Variants in EVC2 observed in about 807,000 individuals in gnomAD.
The protein encoded by EVC2 is EvC ciliary complex subunit 2, also known as limbin.
In EVC2, 148 loss-of-function variants were observed where a neutral mutation model predicts 149.3. The ratio of observed to expected loss-of-function variants is 0.99; its 90% CI spans 0.87 to 1.14. The LOEUF (loss-of-function observed/expected upper bound fraction) is 1.14, where lower values mean the gene tolerates loss of function less well. Ranked by LOEUF, EVC2 falls within the 50% of genes most tolerant of loss-of-function variation. EVC2 has a pLI of 0.00. For synonymous variants in EVC2, 776 were observed against 649.9 expected, an observed-to-expected ratio of 1.19 and a Z score of -2.95; for missense variants, 1,854 against 1,627.3, an observed-to-expected ratio of 1.14 and a Z score of -2.40.
chr4:5,682,213 G>A (rs189431091), intron 6 of EVC2, among the ~76,000 whole-genome samples: 66 of 152,242 alleles, frequency 4.3e-4, no homozygotes, highest in Admixed American at 7.9e-4. Flanking sequence ...ATAGCAGGCC[G>A]GGGGCGGTGG....
In EVC2 at chr4:5,557,180, T is replaced by C. The variant is rs575777209; in HGVS notation, c.3419+8078A>G. 1.2e-4 allele frequency among the ~76,000 whole-genome samples: 19 copies of C among 152,202 alleles called. No homozygotes were observed. In the South Asian group the frequency reaches 3.9e-3, roughly 32 times the overall value. On this transcript the variant is annotated intron_variant and NMD_transcript_variant, in intron 21 of 22. Coordinates refer to the EVC2 transcript ENST00000475313. ...ATAGATGAACAAATCCTGAAAAATA[T>C]ATTTACAAATTAAATCCAATAATTT...
At chr4:5,587,996 G>C (rs977387687) in intron 16 of EVC2, among the ~76,000 whole-genome samples, 14 of 152,020 alleles carry the variant, frequency 9.2e-5, no homozygotes, top group African/African-American at 3.4e-4. Flanking sequence ...ACAATATGAG[G>C]GGTGGTCTCC....
Position 5,685,474 on chromosome 4 carries a change from C to G in EVC2, c.712G>C (p.Asp238His). Residue 238 changes from aspartate (D) to histidine (H), a missense_variant, in exon 6 of 22, where the codon GAT (aspartate) becomes CAT (histidine). Coordinates refer to ENST00000344408, the MANE Select transcript of EVC2 (RefSeq NM_147127.5). ...GCTGCGTAGCTGACAGCAAAGGCAT[C>G]TCCCACTGCGCAGAGAAAAGCACAT... ...AFSKKFLQVG[D>H]AFAVSYAATL... The G allele has an allele frequency of 6.2e-7, 1 of 1,614,102 alleles. No individual in the cohort carries two copies. The highest frequency in any genetic ancestry group is 8.5e-7 in the Non-Finnish European group (1 of 1,179,992).
chr4:5,673,832 GC>G (rs1719823023), intron 7 of EVC2, among the ~76,000 whole-genome samples: 1 of 152,324 alleles, frequency 6.6e-6, no homozygotes, highest in South Asian at 2.1e-4. Flanking sequence ...CTTGTGGATG[GC>G]GAGATGTGAA....
At chr4:5,634,893 G>C (rs1716785223) in intron 10 of EVC2, among the ~76,000 whole-genome samples, 1 of 152,194 alleles carries the variant, frequency 6.6e-6, no homozygotes, top group South Asian at 2.1e-4. Flanking sequence ...CTGCCTGTAG[G>C]GGCAGCCTCC....
At position 5,679,455 on chromosome 4, in the gene EVC2, C is replaced by A. The variant is rs1720202796; in HGVS notation, c.870+1805G>T. Among the ~76,000 whole-genome samples the A allele has an allele frequency of 6.6e-6, 1 of 152,074 alleles. No homozygotes were observed. Reference sequence around the variant, plus strand: ...GTTTAGCCATGTTGGCCAGGCTGATCTTGAACTCCTGGCTTCAAGTGATCA... The same window carrying A: ...GTTTAGCCATGTTGGCCAGGCTGATATTGAACTCCTGGCTTCAAGTGATCA... On this transcript the variant is annotated intron_variant, in intron 7 of 21. Transcript: ENST00000344408. This position sits in a 1 kb window ranked among gnomAD's most constrained non-coding sequence, Gnocchi z 5.1.
At chr4:5,599,047 C>A (rs549815712) in intron 16 of EVC2, among the ~76,000 whole-genome samples, 1 of 151,958 alleles carries the variant, frequency 6.6e-6, no homozygotes, top group African/African-American at 2.4e-5. Context: ...GTTAGAATGG[C>A]AATCATTAAA....
rs530149012 is a variant in EVC2, at chr4:5,636,977, G to A, written c.1470+3537C>T. ...ACAGATTGGTTCAAATAAGGCGGCT[G>A]CTTGTCTTTGAACAGAGTGACCTAG... On this transcript the variant is annotated intron_variant, in intron 10 of 21. Coordinates refer to ENST00000344408, the MANE Select transcript of EVC2 (RefSeq NM_147127.5). This position sits in a 1 kb window ranked among gnomAD's most constrained non-coding sequence, Gnocchi z 4.6. 2.0e-5 allele frequency among the ~76,000 whole-genome samples: 3 copies of A among 152,290 alleles called. No homozygotes were observed. The highest frequency in any genetic ancestry group is 6.5e-5 in the Admixed American group (1 of 15,300).
At chr4:5,681,409 C>T (rs981601088) in intron 6 of EVC2, 96 bp from the exon 7 acceptor site, 8 of 1,260,894 alleles carry the variant, frequency 6.3e-6, no homozygotes, top group Non-Finnish European at 5.7e-6. Context: ...AAGCCTGGAG[C>T]TACAATCAGC....
chr4:5,673,879 C>A (rs527302714), intron 7 of EVC2, among the ~76,000 whole-genome samples: 1 of 152,170 alleles, frequency 6.6e-6, no homozygotes. Context: ...GGTGGGATTA[C>A]GGCATGAAGC....
At chr4:5,638,664 TC>T in intron 10 of EVC2, among the ~76,000 whole-genome samples, 1 of 152,066 alleles carries the variant, frequency 6.6e-6, no homozygotes, top group East Asian at 1.9e-4. Flanking sequence ...AGAATAAGGG[TC>T]TTTCCACATG....
At chr4:5,693,352 G>A (rs1721256626) in intron 3 of EVC2, among the ~76,000 whole-genome samples, 2 of 152,220 alleles carry the variant, frequency 1.3e-5, no homozygotes, top group African/African-American at 4.8e-5. Flanking sequence ...AGGATCTCAA[G>A]AGATCATCCT....
chr4:5,559,443 G>C (rs1721897559), downstream of EVC2, among the ~76,000 whole-genome samples: 1 of 152,130 alleles, frequency 6.6e-6, no homozygotes, highest in African/African-American at 2.4e-5. The surrounding 1 kb of genome is among the most constrained non-coding windows in gnomAD (Gnocchi z 5.0). Flanking sequence ...AGCACAACTA[G>C]GGCTCAGAGT....
intron 7 of EVC2, 150 bp downstream of exon 7, chr4:5,681,110 G>A (rs1720307749): frequency 6.9e-6 from 6 of 867,928 alleles, no homozygotes; most frequent in Non-Finnish European, 9.5e-6. Context: ...GCACACGGGG[G>A]ACCCGAGAGA....
At chr4:5,628,480 C>T in intron 12 of EVC2, 79 bp downstream of exon 12, 2 of 1,556,344 alleles carry the variant, frequency 1.3e-6, no homozygotes, top group Admixed American at 1.7e-5. Flanking sequence ...TTATAAATTA[C>T]CCAGTCTGTG....
downstream of EVC2, among the ~76,000 whole-genome samples, chr4:5,558,056 T>G (rs1410835134): frequency 1.3e-5 from 2 of 152,194 alleles, no homozygotes; most frequent in Non-Finnish European, 2.9e-5. Context: ...TTTCAGATAT[T>G]GACAAACTGA....
At chr4:5,665,350 T>C (rs1227944570) in intron 8 of EVC2, among the ~76,000 whole-genome samples, 165 bp downstream of exon 8, 2 of 151,868 alleles carry the variant, frequency 1.3e-5, no homozygotes, top group Non-Finnish European at 2.9e-5. Flanking sequence ...TGGGGATGCA[T>C]CCCAGGACAA....
At chr4:5,660,519 A>G (rs1370507493) in intron 9 of EVC2, among the ~76,000 whole-genome samples, 1 of 152,160 alleles carries the variant, frequency 6.6e-6, no homozygotes, top group Non-Finnish European at 1.5e-5. Flanking sequence ...ACCCAGGGAG[A>G]TAGGATCAGG....
chr4:5,535,475 C>T, the EVC2 span, among the ~76,000 whole-genome samples: 3 of 152,068 alleles, frequency 2.0e-5, no homozygotes, highest in Non-Finnish European at 2.9e-5. This position sits in a 1 kb window ranked among gnomAD's most constrained non-coding sequence, Gnocchi z 4.7. Context: ...TCAGTTGGCT[C>T]GGACTGCTAT....
Sources: allele counts gnomAD v4.1 joint callset (sites outside exome capture counted in the v4.1 genomes callset), GRCh38; gene constraint gnomAD v4.1.1; non-coding constraint Gnocchi (gnomAD v3.1); transcripts MANE v1.5; gene names NCBI Gene and HGNC (gene_info 2026-07-23, HGNC 2026-07-21).